Variants in RAB3C observed in about 807,000 individuals in gnomAD.
RAB3C encodes RAB3C, member RAS oncogene family, also known as ras-related protein Rab-3C.
In RAB3C, 17 loss-of-function variants were observed where a neutral mutation model predicts 26.4. The ratio of observed to expected loss-of-function variants is 0.64; its 90% CI spans 0.44 to 0.97. The LOEUF is 0.97. Among genes scored for constraint, RAB3C ranks in the 50% least tolerant of loss-of-function variants. RAB3C has a pLI of 0.00. For missense variants in RAB3C, 242 were observed against 281.9 expected (o/e 0.86, Z 1.01); for synonymous variants, 91 against 95.9 (o/e 0.95, Z 0.30).
At chr5:58,797,353 AATATGTATATATAT>A (rs1171566751) in intron 3 of RAB3C, among the ~76,000 whole-genome samples, 266 of 25,854 alleles carry the variant, frequency 0.01, 3 homozygotes, top group Middle Eastern at 0.062. Flanking sequence ...AAAAAAAAAA[AATATGTATATATAT>A]AATATATATA....
intron 2 of RAB3C, among the ~76,000 whole-genome samples, chr5:58,628,439 G>C (rs897447537): frequency 2.0e-5 from 3 of 152,152 alleles, no homozygotes; most frequent in Non-Finnish European, 4.4e-5. Context: ...AGAAAGAGCA[G>C]TTAGGAAAGA....
chr5:58,780,961 G>A (rs1742257641), intron 3 of RAB3C, among the ~76,000 whole-genome samples: 1 of 151,988 alleles, frequency 6.6e-6, no homozygotes, highest in African/African-American at 2.4e-5. Flanking sequence ...CTTGTAGTCT[G>A]TAACTATGTA....
chr5:58,769,750 T>C lies in RAB3C; in HGVS notation c.371+43630T>C, dbSNP rs986488705. Among the ~76,000 whole-genome samples, 16 of 105,108 alleles carry C rather than the reference T, an allele frequency of 1.5e-4. No homozygotes were observed. In the South Asian group the frequency reaches 1.6e-3, roughly 11 times the overall value. 69.0% of individuals were successfully genotyped at this position (105,108 alleles called of 152,430 possible). A position where few individuals can be genotyped will look rare whatever the true frequency, so the allele number is the denominator to read the frequency against. ...TGTTTCTTTAAGAGAAATGTAATCA[T>C]CTGCAAGATTCTTCAAGATATAAAT... On this transcript the variant is annotated intron_variant, in intron 3 of 4. Coordinates refer to ENST00000282878, the MANE Select transcript of RAB3C (RefSeq NM_138453.4).
chr5:58,616,973 T>G (rs1400679949), intron 1 of RAB3C, among the ~76,000 whole-genome samples: 1 of 152,170 alleles, frequency 6.6e-6, no homozygotes. Context: ...AGCAAGTTAC[T>G]TAATAATATC....
At chr5:58,751,742 CTT>C (rs1190330676) in intron 3 of RAB3C, among the ~76,000 whole-genome samples, 1 of 152,062 alleles carries the variant, frequency 6.6e-6, no homozygotes, top group Non-Finnish European at 1.5e-5. Context: ...ACTGAGCTGA[CTT>C]TTTATTTGAT....
intron 2 of RAB3C, among the ~76,000 whole-genome samples, chr5:58,709,754 C>T (rs1749020033): frequency 6.6e-6 from 1 of 152,120 alleles, no homozygotes. Flanking sequence ...GATCCGAGCG[C>T]CAGTCTCATT....
intron 3 of RAB3C, among the ~76,000 whole-genome samples, chr5:58,799,444 G>C (rs1437561071): frequency 1.3e-5 from 2 of 152,100 alleles, no homozygotes; most frequent in Admixed American, 1.3e-4. Context: ...GTCCCAGCTA[G>C]TACATGCTAG....
At chr5:58,766,542 A>C (rs908976761) in intron 3 of RAB3C, among the ~76,000 whole-genome samples, 8 of 152,232 alleles carry the variant, frequency 5.3e-5, no homozygotes, top group African/African-American at 1.9e-4. Flanking sequence ...AATTTCTTGA[A>C]ATTTGAGAAA....
chr5:58,748,377 T>G (rs534720046), intron 3 of RAB3C, among the ~76,000 whole-genome samples: 3 of 152,322 alleles, frequency 2.0e-5, no homozygotes, highest in Admixed American at 2.0e-4. Flanking sequence ...CATAAGAACC[T>G]TGGCTCATTT....
At chr5:58,745,308 G>T (rs1561307928) in intron 3 of RAB3C, among the ~76,000 whole-genome samples, 2 of 139,748 alleles carry the variant, frequency 1.4e-5, no homozygotes, top group Non-Finnish European at 3.0e-5. Context: ...TGAGGCAGGA[G>T]AATGGTGTGA....
At chr5:58,780,644 T>A (rs963028338) in intron 3 of RAB3C, among the ~76,000 whole-genome samples, 3 of 152,074 alleles carry the variant, frequency 2.0e-5, no homozygotes, top group Admixed American at 6.6e-5. Flanking sequence ...GTGCTTACAA[T>A]GCATTCAGCA....
At chr5:58,836,253 A>T (rs929698495) in intron 4 of RAB3C, among the ~76,000 whole-genome samples, 1 of 142,422 alleles carries the variant, frequency 7.0e-6, no homozygotes, top group African/African-American at 2.6e-5. Flanking sequence ...CTTTATTTTT[A>T]AAATTAAATT....
Position 58,857,864 on chromosome 5 carries a change from C to T in RAB3C, c.*6513C>T, listed in dbSNP as rs575774180. The T allele has an allele frequency of 1.3e-5, 2 of 152,144 alleles. No homozygotes were observed. Among genetic ancestry groups the T allele is most frequent in the African/African-American group, 4.8e-5 (2 of 41,434 alleles). The allele number at this position is 152,144 out of a possible 1,614,324, so 9.4% of individuals were successfully genotyped here. A position where few individuals can be genotyped will look rare whatever the true frequency, so the allele number is the denominator to read the frequency against. On this transcript the variant is annotated 3_prime_UTR_variant, in exon 5 of 5. Coordinates refer to ENST00000282878, the MANE Select transcript of RAB3C (RefSeq NM_138453.4). ...TGAGATGCAAAATCAAGAACTGAAG[C>T]CTAGTTGCTAGATAACGAAAAGCTA...
chr5:58,714,095 G>T (rs980083131), intron 2 of RAB3C, among the ~76,000 whole-genome samples: 6 of 152,168 alleles, frequency 3.9e-5, no homozygotes, highest in Admixed American at 3.9e-4. Context: ...AGTAATGATA[G>T]TTCATATGTT....
chr5:58,733,442 G>C (rs1282847519), intron 3 of RAB3C, among the ~76,000 whole-genome samples: 1 of 152,160 alleles, frequency 6.6e-6, no homozygotes, highest in Non-Finnish European at 1.5e-5. Context: ...GTGTCATCAT[G>C]GTCCTTAACT....
intron 2 of RAB3C, among the ~76,000 whole-genome samples, chr5:58,722,429 G>T (rs1740791897): frequency 6.6e-6 from 1 of 151,198 alleles, no homozygotes; most frequent in Admixed American, 6.6e-5. Context: ...AAAAAAGTGT[G>T]ACCAAGAGAA....
At chr5:58,825,705 T>C (rs1463218544) in intron 4 of RAB3C, among the ~76,000 whole-genome samples, 5 of 151,998 alleles carry the variant, frequency 3.3e-5, no homozygotes, top group Admixed American at 2.0e-4. Flanking sequence ...GTAGATAAGA[T>C]CAAATGAGAT....
chr5:58,640,648 A>G (rs887120052), intron 2 of RAB3C, among the ~76,000 whole-genome samples: 2 of 152,168 alleles, frequency 1.3e-5, no homozygotes, highest in Non-Finnish European at 2.9e-5. Context: ...TGCCACTGAA[A>G]TATCTGACCC....
intron 3 of RAB3C, among the ~76,000 whole-genome samples, chr5:58,732,719 A>C (rs72762105): frequency 6.6e-6 from 1 of 152,160 alleles, no homozygotes; most frequent in Admixed American, 6.5e-5. Flanking sequence ...TAGGAGCTGG[A>C]TAGGCAGTTT....
Sources: gnomAD v4.1 joint callset for allele counts (sites outside exome capture counted in the v4.1 genomes callset) on GRCh38, gnomAD v4.1.1 for gene constraint, MANE v1.5 for transcripts, NCBI Gene and HGNC (gene_info 2026-07-23, HGNC 2026-07-21) for gene names.